The following PCDHA1 variants were observed in gnomAD, a reference collection of about 807,000 sequenced individuals.
PCDHA1 encodes the protein protocadherin alpha-1.
PCDHA1 carries 42 observed loss-of-function variants against 61.3 expected under a neutral mutation model. That is an observed-to-expected ratio of 0.69 (90% CI 0.54 to 0.89). PCDHA1 has a LOEUF of 0.89. PCDHA1 is among the 40% of genes least tolerant of loss of function. The probability of loss-of-function intolerance (pLI) is 0.00; values close to 1 mark genes in which losing one functional copy is unlikely to be tolerated. For missense variants in PCDHA1, 1,256 were observed against 1,235.3 expected, an observed-to-expected ratio of 1.02 and a Z score of -0.25; for synonymous variants, 610 against 553.8, an observed-to-expected ratio of 1.10 and a Z score of -1.43.
At chr5:140,917,522 G>A (rs931609211) in intron 1 of PCDHA1, among the ~76,000 whole-genome samples, 1 of 152,144 alleles carries the variant, frequency 6.6e-6, no homozygotes, top group Non-Finnish European at 1.5e-5. Context: ...TTTATTCTAC[G>A]GTTTGTATAG....
intron 3 of PCDHA1, among the ~76,000 whole-genome samples, chr5:141,007,772 G>T (rs1384054820): frequency 6.6e-6 from 1 of 152,122 alleles, no homozygotes; most frequent in Non-Finnish European, 1.5e-5. Context: ...GCCTGGAAAT[G>T]GTACTGCTTT....
intron 1 of PCDHA1, among the ~76,000 whole-genome samples, chr5:140,914,110 A>G (rs889499995): frequency 6.6e-6 from 1 of 152,168 alleles, no homozygotes; most frequent in Non-Finnish European, 1.5e-5. Flanking sequence ...GTGCAGATTA[A>G]GTCTGATGTT....
At chr5:140,988,414 T>C (rs1554250128) in intron 3 of PCDHA1, among the ~76,000 whole-genome samples, 1 of 152,194 alleles carries the variant, frequency 6.6e-6, no homozygotes. Flanking sequence ...GCAGCTTATG[T>C]AAAGAATTTG....
At chr5:140,870,456 G>A (rs782212198) in intron 1 of PCDHA1, 15 of 1,614,110 alleles carry the variant, frequency 9.3e-6, no homozygotes, top group South Asian at 5.5e-5. Flanking sequence ...ACGACAATGC[G>A]CCTGCGTTCG....
At chr5:140,966,697 G>T (rs2096039921) in intron 1 of PCDHA1, 1 of 1,363,184 alleles carries the variant, frequency 7.3e-7, no homozygotes, top group Admixed American at 3.6e-5. Context: ...GCGGGGCCCG[G>T]GCGTGGGGCA....
At position 140,915,626 on chromosome 5, in the gene PCDHA1, G is replaced by GTCTCTCTCTC. The variant is rs57920489; in HGVS notation, c.2395-63302_2395-63293dup. 2.5e-3 allele frequency among the ~76,000 whole-genome samples: 366 copies of GTCTCTCTCTC among 146,512 alleles called. 2 individuals carry two copies. Among genetic ancestry groups the GTCTCTCTCTC allele is most frequent in the South Asian group, 3.6e-3 (16 of 4,500 alleles). ...ACTTTCTGTCAAACAGTCTCTTTCT[G>GTCTCTCTCTC]TCTCTCTCTCTCTCTCTCTCTCTCT... On this transcript the variant is annotated intron_variant, in intron 1 of 3. Coordinates refer to ENST00000504120, the MANE Select transcript of PCDHA1 (RefSeq NM_018900.4).
Position 140,786,713 on chromosome 5 carries a change from T to C in PCDHA1, c.423T>C (p.Phe141=). 6.2e-7 allele frequency: 1 copy of C among 1,614,162 alleles called. No individual in the cohort carries two copies. The highest frequency in any genetic ancestry group is 8.5e-7 in the Non-Finnish European group (1 of 1,180,040). The change falls in exon 1 of 4, where the codon TTT becomes TTC. Residue 141 remains phenylalanine, a synonymous_variant. Coordinates refer to ENST00000504120, the MANE Select transcript of PCDHA1 (RefSeq NM_018900.4). The part of the protein sequence containing the change: ...PVFRGREQII[F]IPESRLLNSR... Reference sequence around the variant, plus strand: ...TCAGGGGCAGAGAACAAATAATATTTATTCCTGAATCTAGACTCCTGAATT... The same window carrying C: ...TCAGGGGCAGAGAACAAATAATATTCATTCCTGAATCTAGACTCCTGAATT...
intron 1 of PCDHA1, chr5:140,847,378 T>C (rs2150399722): frequency 6.7e-6 from 1 of 149,708 alleles, no homozygotes; most frequent in East Asian, 1.9e-4. Context: ...AAAAGATAAA[T>C]ATGCAAAAAC....
At chr5:140,904,143 T>C (rs1370565805) in intron 1 of PCDHA1, among the ~76,000 whole-genome samples, 1 of 152,136 alleles carries the variant, frequency 6.6e-6, no homozygotes, top group Non-Finnish European at 1.5e-5. Context: ...CCGAGCAGTA[T>C]ACATTGCACC....
intron 1 of PCDHA1, chr5:140,814,292 A>G (rs960626106): frequency 6.6e-6 from 1 of 152,238 alleles, no homozygotes; most frequent in South Asian, 2.0e-4. Flanking sequence ...GGTCAGGATC[A>G]TCAATATCAT....
At chr5:140,980,704 G>T (rs2153822525) in intron 2 of PCDHA1, among the ~76,000 whole-genome samples, 1 of 151,890 alleles carries the variant, frequency 6.6e-6, no homozygotes, top group East Asian at 1.9e-4. Context: ...AGCCAAATGT[G>T]CTCCTATTCG....
At chr5:140,864,365 AT>A (rs1190318637) in intron 1 of PCDHA1, 4 of 152,220 alleles carry the variant, frequency 2.6e-5, no homozygotes, top group Non-Finnish European at 5.9e-5. Flanking sequence ...TTATCTTTCT[AT>A]AATCGATAAG....
intron 1 of PCDHA1, among the ~76,000 whole-genome samples, chr5:140,885,900 C>G (rs1387318205): frequency 6.6e-6 from 1 of 152,120 alleles, no homozygotes; most frequent in Non-Finnish European, 1.5e-5. Flanking sequence ...GAAAAGTTCT[C>G]TGTACCTTAT....
chr5:140,903,859 T>C (rs2070674942), intron 1 of PCDHA1, among the ~76,000 whole-genome samples: 1 of 152,186 alleles, frequency 6.6e-6, no homozygotes, highest in Non-Finnish European at 1.5e-5. Context: ...ACAAATAATA[T>C]AGAGTAAAAT....
In PCDHA1 at chr5:140,927,525, T is replaced by G. The variant is rs782496581; in HGVS notation, c.2395-51424T>G. ...TTACAGCTCGGGACGGCGGGCTACC[T>G]GCCCGCTCAGGAGACGCACAAGTCA... On this transcript the variant is annotated intron_variant, in intron 1 of 3. Transcript: ENST00000504120. 3.1e-6 allele frequency: 5 copies of G among 1,614,088 alleles called. 1 individual carries two copies. In the South Asian group the frequency reaches 5.5e-5, roughly 18 times the overall value.
intron 1 of PCDHA1, chr5:140,829,804 T>A (rs2150175080): frequency 1.2e-6 from 2 of 1,613,624 alleles, no homozygotes; most frequent in African/African-American, 2.7e-5. Context: ...CTCGGGTGGG[T>A]GGTACTGGTG....
intron 1 of PCDHA1, among the ~76,000 whole-genome samples, chr5:140,924,539 C>T (rs1554201995): frequency 6.6e-6 from 1 of 152,050 alleles, no homozygotes; most frequent in African/African-American, 2.4e-5. Flanking sequence ...CCGAGCTACC[C>T]CTCTCCCCAC....
chr5:140,826,579 A>C (rs1440261492), intron 1 of PCDHA1, among the ~76,000 whole-genome samples: 2 of 152,178 alleles, frequency 1.3e-5, no homozygotes, highest in African/African-American at 4.8e-5. Context: ...TAATCACTTC[A>C]AATGGATAAC....
intron 1 of PCDHA1, chr5:140,828,572 G>A: frequency 3.1e-6 from 5 of 1,614,228 alleles, no homozygotes; most frequent in Non-Finnish European, 4.2e-6. Flanking sequence ...GTCCGATGCA[G>A]ATGTTGGCTC....
Sources: gnomAD v4.1 joint callset for allele counts (sites outside exome capture counted in the v4.1 genomes callset) on GRCh38, gnomAD v4.1.1 for gene constraint, MANE v1.5 for transcripts, NCBI Gene and HGNC (gene_info 2026-07-23, HGNC 2026-07-21) for gene names.